RIMS2: variants seen among roughly 807,000 people sequenced by gnomAD.
The protein encoded by RIMS2 is regulating synaptic membrane exocytosis protein 2.
A neutral mutation model predicts 174.4 loss-of-function variants in RIMS2; 59 were observed. The ratio of observed to expected loss-of-function variants is 0.34; its 90% CI spans 0.27 to 0.42. The LOEUF is 0.42. Ranked by LOEUF, RIMS2 falls within the 10% of genes least tolerant of loss-of-function variation. The pLI is 1.00. For synonymous variants in RIMS2, 606 were observed against 572.5 expected (o/e 1.06, Z -0.84); for missense variants, 1,620 against 1,666.3 (o/e 0.97, Z 0.48).
At chr8:103,954,682 A>C (rs1050001949) in intron 14 of RIMS2, among the ~76,000 whole-genome samples, 13 of 152,292 alleles carry the variant, frequency 8.5e-5, no homozygotes, top group Admixed American at 1.3e-4. Flanking sequence ...CTAACATCGC[A>C]ATTAAAAGAA....
chr8:103,826,131 G>A (rs2098789284), intron 3 of RIMS2, among the ~76,000 whole-genome samples: 1 of 152,056 alleles, frequency 6.6e-6, no homozygotes, highest in African/African-American at 2.4e-5. Context: ...GCTAGTAAGT[G>A]AATTTATATA....
At chr8:103,568,428 CA>C (rs2092549249) in intron 1 of RIMS2, among the ~76,000 whole-genome samples, 1 of 152,132 alleles carries the variant, frequency 6.6e-6, no homozygotes, top group African/African-American at 2.4e-5. Context: ...AAAAAGGTAA[CA>C]CATGTCAGTG....
Position 103,519,625 on chromosome 8 carries a change from T to A in RIMS2, c.176+18563T>A, listed in dbSNP as rs544297979. ...CTGGTTCTCCTTCCTGGACTTTTTT[T>A]AAGTCACTTAAAATAAGCAGTGCTT... On this transcript the variant is annotated intron_variant, in intron 1 of 23. Transcript: ENST00000504942. Among the ~76,000 whole-genome samples, 4 of 152,248 alleles carry A rather than the reference T, an allele frequency of 2.6e-5. No homozygotes were observed. The East Asian group carries it at 5.8e-4, about 22-fold the overall frequency.
At chr8:103,980,793 C>A (rs1327155309) in intron 16 of RIMS2, among the ~76,000 whole-genome samples, 1 of 152,120 alleles carries the variant, frequency 6.6e-6, no homozygotes, top group Non-Finnish European at 1.5e-5. Context: ...CTGACGGAAC[C>A]CCCTTGTGGT....
At chr8:103,884,061 A>C (rs1414405526) in intron 3 of RIMS2, among the ~76,000 whole-genome samples, 2 of 151,714 alleles carry the variant, frequency 1.3e-5, no homozygotes, top group Non-Finnish European at 2.9e-5. Flanking sequence ...ACCTAGACTA[A>C]CTTCTGTTTT....
intron 1 of RIMS2, among the ~76,000 whole-genome samples, chr8:103,634,864 T>C (rs1165260261): frequency 6.6e-6 from 1 of 152,182 alleles, no homozygotes. Flanking sequence ...CTGTTTTTCA[T>C]TTGCTTGGTA....
intron 3 of RIMS2, among the ~76,000 whole-genome samples, chr8:103,814,330 T>A (rs920303071): frequency 6.8e-6 from 1 of 146,150 alleles, no homozygotes; most frequent in African/African-American, 2.6e-5. Flanking sequence ...TGAAATAATC[T>A]GTACAACTGT....
At chr8:103,655,457 A>T (rs925898132) in intron 1 of RIMS2, among the ~76,000 whole-genome samples, 3 of 129,052 alleles carry the variant, frequency 2.3e-5, no homozygotes. Context: ...GCAAAATGGT[A>T]AAGGTAATTA....
intron 12 of RIMS2, among the ~76,000 whole-genome samples, chr8:103,936,179 A>G (rs1251091603): frequency 4.2e-4 from 64 of 152,208 alleles, no homozygotes; most frequent in Non-Finnish European, 8.8e-5. Context: ...AGTGAATAGT[A>G]TATGTAATGT....
intron 1 of RIMS2, among the ~76,000 whole-genome samples, chr8:103,618,206 G>A (rs539097060): frequency 6.6e-6 from 1 of 152,184 alleles, no homozygotes; most frequent in Admixed American, 6.6e-5. Context: ...GGAGCTGGAG[G>A]CTAAGTAACA....
intron 19 of RIMS2, among the ~76,000 whole-genome samples, chr8:104,067,332 C>T (rs1425670406): frequency 1.3e-5 from 2 of 151,974 alleles, no homozygotes; most frequent in South Asian, 2.1e-4. Flanking sequence ...AGTATATGAT[C>T]GAGATTTTTA....
At chr8:103,854,453 G>A (rs143067348) in intron 3 of RIMS2, among the ~76,000 whole-genome samples, 1 of 151,916 alleles carries the variant, frequency 6.6e-6, no homozygotes, top group Non-Finnish European at 1.5e-5. Context: ...AAGGAGAATG[G>A]TTCCAGCTTT....
chr8:103,608,440 T>G, intron 1 of RIMS2, among the ~76,000 whole-genome samples: 1 of 144,296 alleles, frequency 6.9e-6, no homozygotes, highest in Middle Eastern at 3.2e-3. Flanking sequence ...TACTGCTGTC[T>G]TTTTGTTTGT....
intron 1 of RIMS2, among the ~76,000 whole-genome samples, chr8:103,555,092 A>G (rs2131740566): frequency 6.6e-6 from 1 of 152,274 alleles, no homozygotes; most frequent in South Asian, 2.1e-4. Flanking sequence ...TGTGCTTATT[A>G]CTTGGGTGAT....
chr8:103,525,386 T>A (rs1409739261), intron 1 of RIMS2, among the ~76,000 whole-genome samples: 1 of 152,196 alleles, frequency 6.6e-6, no homozygotes, highest in Admixed American at 6.5e-5. Context: ...AGAAATTAGG[T>A]TAGCTCTGGA....
Position 103,571,018 on chromosome 8 carries a change from G to T in RIMS2, c.176+69956G>T, listed in dbSNP as rs1332649592. Among the ~76,000 whole-genome samples, 3 of 151,850 alleles carry T rather than the reference G, an allele frequency of 2.0e-5. No individual in the cohort carries two copies. In the South Asian group the frequency reaches 6.2e-4, roughly 32 times the overall value. On this transcript the variant is annotated intron_variant, in intron 1 of 23. Transcript: ENST00000504942. Reference sequence around the variant, plus strand: ...CTTGTACTGTCCTAATGATCAATTGGTCTACTTATAATTTTTCCTTTTTCT... The same window carrying T: ...CTTGTACTGTCCTAATGATCAATTGTTCTACTTATAATTTTTCCTTTTTCT...
At chr8:103,958,029 T>C (rs923647124) in intron 14 of RIMS2, among the ~76,000 whole-genome samples, 4 of 152,224 alleles carry the variant, frequency 2.6e-5, no homozygotes, top group Non-Finnish European at 5.9e-5. Flanking sequence ...AACTACCATT[T>C]GACCCAGCAA....
chr8:104,235,869 AG>A (rs1169271351), intron 19 of RIMS2, among the ~76,000 whole-genome samples: 3 of 152,052 alleles, frequency 2.0e-5, no homozygotes, highest in Admixed American at 6.6e-5. Flanking sequence ...CAATTTCTTC[AG>A]TTCAGTTGTC....
chr8:103,560,274 A>C (rs1245208851), intron 1 of RIMS2, among the ~76,000 whole-genome samples: 3 of 152,146 alleles, frequency 2.0e-5, no homozygotes, highest in Non-Finnish European at 4.4e-5. Context: ...GCTACTCGGG[A>C]GGCTGAGGTA....
Sources: allele counts gnomAD v4.1 joint callset (sites outside exome capture counted in the v4.1 genomes callset), GRCh38; gene constraint gnomAD v4.1.1; transcripts MANE v1.5; gene names NCBI Gene and HGNC (gene_info 2026-07-23, HGNC 2026-07-21).